Variants in SH3BP4 observed in about 807,000 individuals in gnomAD.
SH3BP4 encodes the protein SH3 domain-binding protein 4.
In SH3BP4, 33 loss-of-function variants were observed where a neutral mutation model predicts 65.5. The ratio of observed to expected loss-of-function variants is 0.50; its 90% CI spans 0.38 to 0.67. SH3BP4 has a LOEUF of 0.67. SH3BP4 is among the 30% of genes least tolerant of loss of function. The pLI, the probability that SH3BP4 is intolerant of heterozygous loss-of-function variation, is 0.00. For missense variants in SH3BP4, 1,134 were observed against 1,261.4 expected, an observed-to-expected ratio of 0.90 and a Z score of 1.53; for synonymous variants, 552 against 545.5, an observed-to-expected ratio of 1.01 and a Z score of -0.17.
In SH3BP4 at chr2:234,977,042, C is replaced by T. The variant is rs1004819937; in HGVS notation, c.-206-18261C>T. On this transcript the variant is annotated intron_variant, in intron 1 of 5. Coordinates refer to ENST00000392011, the MANE Select transcript of SH3BP4 (RefSeq NM_014521.3). This position sits in a 1 kb window ranked among gnomAD's most constrained non-coding sequence, Gnocchi z 5.1. Reference sequence around the variant, plus strand: ...TCCTGTAAGACACTCACAGGGAAGCCGGGTGGCGGGAGGCCTGTGGGAATT... The same window carrying T: ...TCCTGTAAGACACTCACAGGGAAGCTGGGTGGCGGGAGGCCTGTGGGAATT... Among the ~76,000 whole-genome samples, 2 of 152,194 alleles carry T rather than the reference C, an allele frequency of 1.3e-5. No individual in the cohort carries two copies. The highest frequency in any genetic ancestry group is 1.9e-4 in the East Asian group (1 of 5,190).
At chr2:234,988,725 A>C (rs916777278) in intron 1 of SH3BP4, among the ~76,000 whole-genome samples, 1 of 151,896 alleles carries the variant, frequency 6.6e-6, no homozygotes, top group Admixed American at 6.6e-5. Flanking sequence ...TGTAGGGGGG[A>C]CGCATGAACA....
intron 1 of SH3BP4, among the ~76,000 whole-genome samples, chr2:234,983,523 G>A (rs10170475): frequency 0.067 from 10,154 of 152,150 alleles, 1,098 homozygotes; most frequent in African/African-American, 0.23. Flanking sequence ...CGGTGTGGTC[G>A]GCTGAGTAAT....
At chr2:235,006,273 C>T (rs1463852514) in intron 2 of SH3BP4, among the ~76,000 whole-genome samples, 1 of 152,212 alleles carries the variant, frequency 6.6e-6, no homozygotes, top group African/African-American at 2.4e-5. Context: ...TGCCCTTTTC[C>T]TTTGGGCTGA....
intron 2 of SH3BP4, among the ~76,000 whole-genome samples, chr2:235,011,832 C>T (rs1694518053): frequency 6.6e-6 from 1 of 152,184 alleles, no homozygotes; most frequent in Non-Finnish European, 1.5e-5. Flanking sequence ...CATTCATATA[C>T]AAGGAGATGG....
At position 235,030,890 on chromosome 2, in the gene SH3BP4, T is replaced by C. The variant is rs1695164051; in HGVS notation, c.-132-3981T>C. 6.6e-6 allele frequency among the ~76,000 whole-genome samples: 1 copy of C among 152,120 alleles called. No homozygotes were observed. The highest frequency in any genetic ancestry group is 6.5e-5 in the Admixed American group (1 of 15,278). On this transcript the variant is annotated intron_variant, in intron 2 of 5. Transcript: ENST00000392011. This position sits in a 1 kb window ranked among gnomAD's most constrained non-coding sequence, Gnocchi z 4.1. ...CAGTCCACACCAGGGCTGGCTGCCCTCTTTCTGTACTGTAAAAACGGCCCC... is the reference window on the plus strand; with the variant it reads ...CAGTCCACACCAGGGCTGGCTGCCCCCTTTCTGTACTGTAAAAACGGCCCC...
chr2:235,005,486 T>C (rs2106288257), intron 2 of SH3BP4, among the ~76,000 whole-genome samples: 1 of 152,220 alleles, frequency 6.6e-6, no homozygotes, highest in East Asian at 1.9e-4. Context: ...AATTGTCCCT[T>C]TCCTGTTGGG....
chr2:234,993,591 G>T (rs368576992), intron 1 of SH3BP4, among the ~76,000 whole-genome samples: 56 of 152,330 alleles, frequency 3.7e-4, no homozygotes, highest in African/African-American at 1.3e-3. Context: ...TCTGAAAAAG[G>T]CAGGGACATA....
intron 1 of SH3BP4, among the ~76,000 whole-genome samples, chr2:234,959,739 C>T (rs556401146): frequency 6.6e-6 from 1 of 151,426 alleles, no homozygotes. Flanking sequence ...GCAACCTCCG[C>T]CTCCTGGGTT....
chr2:234,988,206 C>CCCA (rs1157588144), intron 1 of SH3BP4, among the ~76,000 whole-genome samples: 1 of 151,974 alleles, frequency 6.6e-6, no homozygotes, highest in Non-Finnish European at 1.5e-5. Flanking sequence ...ACTATGGGCG[C>CCCA]CCACCACCAC....
intron 1 of SH3BP4, among the ~76,000 whole-genome samples, chr2:234,985,039 C>G (rs1693504101): frequency 6.6e-6 from 1 of 152,136 alleles, no homozygotes; most frequent in Admixed American, 6.5e-5. Flanking sequence ...CAGGGCAGCC[C>G]TGGGGGCTAT....
chr2:235,041,857 C>T lies in SH3BP4; in HGVS notation c.1088C>T (p.Pro363Leu), dbSNP rs767735898. ...QISMKALLDPPLELNSDRSCS... is the reference protein window; with the variant it reads ...QISMKALLDPLLELNSDRSCS... ...TCCATGAAAGCCCTGCTGGACCCCC[C>T]GCTGGAGCTCAACAGTGACAGGTCC... Residue 363 changes from proline to leucine, a missense_variant, in exon 4 of 6, where the codon CCG becomes CTG. Pro to Leu is a moderately conservative substitution (Grantham distance 98). Coordinates refer to ENST00000392011, the MANE Select transcript of SH3BP4 (RefSeq NM_014521.3). This position sits in a 1 kb window ranked among gnomAD's most constrained non-coding sequence, Gnocchi z 6.0. The T allele has an allele frequency of 2.5e-5, 40 of 1,608,512 alleles. No individual in the cohort carries two copies. Among genetic ancestry groups the T allele is most frequent in the East Asian group, 1.6e-4 (7 of 44,760 alleles).
chr2:234,989,436 A>G (rs943392518), intron 1 of SH3BP4, among the ~76,000 whole-genome samples: 1 of 152,054 alleles, frequency 6.6e-6, no homozygotes, highest in East Asian at 1.9e-4. Context: ...CTCTTGGCAA[A>G]CACTCCTGGC....
At chr2:234,970,264 A>G (rs1456255403) in intron 1 of SH3BP4, among the ~76,000 whole-genome samples, 2 of 152,208 alleles carry the variant, frequency 1.3e-5, no homozygotes, top group Non-Finnish European at 2.9e-5. Flanking sequence ...GGAATCTTAA[A>G]TGTAGAGAAG....
Position 235,055,313 on chromosome 2 carries a change from C to T in SH3BP4, c.*1497C>T, listed in dbSNP as rs1355105085. The T allele has an allele frequency of 2.0e-5, 3 of 152,622 alleles. No homozygotes were observed. Among genetic ancestry groups the T allele is most frequent in the African/African-American group, 2.4e-5 (1 of 41,458 alleles). The allele number at this position is 152,622 out of a possible 1,614,324, so 9.5% of individuals were successfully genotyped here. On this transcript the variant is annotated 3_prime_UTR_variant, in exon 6 of 6. Transcript: ENST00000392011. Reference sequence around the variant, plus strand: ...AGTATAATCAATGTATACTCCCTTACTGGCCTGAAACGTTGTATAGCTACT... The same window carrying T: ...AGTATAATCAATGTATACTCCCTTATTGGCCTGAAACGTTGTATAGCTACT...
intron 2 of SH3BP4, among the ~76,000 whole-genome samples, chr2:235,014,249 A>G (rs914765783): frequency 6.6e-6 from 1 of 152,178 alleles, no homozygotes; most frequent in Non-Finnish European, 1.5e-5. Context: ...GATGCCGGAT[A>G]CTTTGGGCTC....
At position 235,055,120 on chromosome 2, in the gene SH3BP4, C is replaced by CGT. The variant is rs771759210; in HGVS notation, c.*1307_*1308dup. On this transcript the variant is annotated 3_prime_UTR_variant, in exon 6 of 6. Transcript: ENST00000392011. ...ATCTCACAATGCGTCGTAGATGTCG[C>CGT]GTGTTGGAAGGGAGCAGGAGGAAGG... The CGT allele has an allele frequency of 3.3e-5, 5 of 152,108 alleles. No homozygotes were observed. The highest frequency in any genetic ancestry group is 7.3e-5 in the Non-Finnish European group (5 of 68,040). 9.4% of individuals were successfully genotyped at this position (152,108 alleles called of 1,614,324 possible).
At chr2:235,011,656 C>T (rs974009978) in intron 2 of SH3BP4, among the ~76,000 whole-genome samples, 9 of 152,182 alleles carry the variant, frequency 5.9e-5, no homozygotes, top group African/African-American at 2.2e-4. Flanking sequence ...CTTTGTATTC[C>T]TGGCAAAGGC....
In SH3BP4 at chr2:234,997,851, G is replaced by A. The variant is rs183266332; in HGVS notation, c.-133+2475G>A. On this transcript the variant is annotated intron_variant, in intron 2 of 5. Transcript: ENST00000392011. This position sits in a 1 kb window ranked among gnomAD's most constrained non-coding sequence, Gnocchi z 4.2. ...TAAGAAGAATCAGAAGACTGGGTGC[G>A]GTGGCTCATGCCTGTAATCCCAGCA... is the stretch of plus-strand genomic sequence containing the variant. Among the ~76,000 whole-genome samples, 72 of 152,300 alleles carry A rather than the reference G, an allele frequency of 4.7e-4. No homozygotes were observed. The highest frequency in any genetic ancestry group is 5.2e-4 in the Admixed American group (8 of 15,306).
intron 1 of SH3BP4, among the ~76,000 whole-genome samples, chr2:234,966,085 A>AGAGGAGAAAGAGGCTGGGCACGGAAAG (rs1692829248): frequency 1.3e-5 from 2 of 152,192 alleles, no homozygotes; most frequent in Non-Finnish European, 2.9e-5. Flanking sequence ...TTCGGGAGAA[A>AGAGGAGAAAGAGGCTGGGCACGGAAAG]GAGGAGAAAG....
Sources: allele counts gnomAD v4.1 joint callset (sites outside exome capture counted in the v4.1 genomes callset), GRCh38; gene constraint gnomAD v4.1.1; non-coding constraint Gnocchi (gnomAD v3.1); transcripts MANE v1.5; gene names NCBI Gene and HGNC (gene_info 2026-07-23, HGNC 2026-07-21).